Variants in LRP1 observed in about 807,000 individuals in gnomAD.
LRP1 encodes the protein LDL receptor related protein 1, also known as prolow-density lipoprotein receptor-related protein 1.
A neutral mutation model predicts 541.5 loss-of-function variants in LRP1; 51 were observed. That is an observed-to-expected ratio of 0.09 (90% confidence interval 0.08 to 0.12). LRP1 has a LOEUF of 0.12. Ranked by LOEUF, LRP1 falls within the 10% of genes least tolerant of loss-of-function variation. The probability of loss-of-function intolerance (pLI) is 1.00; values close to 1 mark genes in which losing one functional copy is unlikely to be tolerated. For missense variants in LRP1, 3,878 were observed against 6,376.2 expected, an observed-to-expected ratio of 0.61 and a Z score of 13.34; for synonymous variants, 2,219 against 2,470.8, an observed-to-expected ratio of 0.90 and a Z score of 3.02.
chr12:57,200,260 C>T (rs993768665), intron 62 of LRP1, 182 bp from the exon 63 acceptor site: 13 of 645,354 alleles, frequency 2.0e-5, no homozygotes, highest in Non-Finnish European at 2.8e-5. Context: ...TTCAGTGCTG[C>T]CTTCCCCACC....
chr12:57,211,365 C>T lies in LRP1; in HGVS notation c.13091+15C>T, dbSNP rs145613098. ...GTCACCTGCAAGTGAGTGGGGCCCT[C>T]CTCCACAGTTCCACCCAGCTGGGCC... On this transcript the variant is annotated intron_variant, in intron 84 of 88. Coordinates refer to ENST00000243077, the MANE Select transcript of LRP1 (RefSeq NM_002332.3). This position sits in a 1 kb window ranked among gnomAD's most constrained non-coding sequence, Gnocchi z 4.3. 291 of 1,613,204 alleles carry T rather than the reference C, an allele frequency of 1.8e-4. No homozygotes were observed. The highest frequency in any genetic ancestry group is 2.3e-4 in the Non-Finnish European group (267 of 1,179,774).
chr12:57,168,412 G>A (rs1216002453), intron 19 of LRP1, among the ~76,000 whole-genome samples: 1 of 152,170 alleles, frequency 6.6e-6, no homozygotes, highest in Non-Finnish European at 1.5e-5. Flanking sequence ...AGCAGAGACG[G>A]CAGAGGGAGC....
Position 57,198,221 on chromosome 12 carries a change from G to A in LRP1, c.9348G>A (p.Leu3116=). The A allele has an allele frequency of 6.2e-7, 1 of 1,613,540 alleles. No homozygotes were observed. The highest frequency in any genetic ancestry group is 1.1e-5 in the South Asian group (1 of 91,016). ...GLAVDWVGGN[L]YWCDKGRDTI... ...CTGTGGACTGGGTGGGTGGCAACCT[G>A]TACTGGTGCGACAAAGGCCGGGACA... Residue 3116 remains leucine, a synonymous_variant, in exon 59 of 89, where the codon CTG becomes CTA. Coordinates refer to ENST00000243077, the MANE Select transcript of LRP1 (RefSeq NM_002332.3).
chr12:57,199,435 G>A (rs367962230), intron 61 of LRP1, 35 bp downstream of exon 61: 30 of 1,593,572 alleles, frequency 1.9e-5, no homozygotes, highest in Non-Finnish European at 2.6e-5. Flanking sequence ...GGCGAACGGT[G>A]AGCCAGGCAC....
At chr12:57,148,858 T>G in intron 6 of LRP1, 1 of 480,652 alleles carries the variant, frequency 2.1e-6, no homozygotes, top group Non-Finnish European at 3.7e-6. Flanking sequence ...AGGAGGTGGC[T>G]GGGGAGCTCA....
chr12:57,207,427 A>G (rs2136751937), intron 76 of LRP1, among the ~76,000 whole-genome samples: 1 of 151,938 alleles, frequency 6.6e-6, no homozygotes, highest in Admixed American at 6.6e-5. Context: ...TTGAACCCAG[A>G]AGGTGGAAGT....
Position 57,156,069 on chromosome 12 carries a change from G to C in LRP1, c.1228-25G>C. On this transcript the variant is annotated intron_variant, in intron 8 of 88. Coordinates refer to ENST00000243077, the MANE Select transcript of LRP1 (RefSeq NM_002332.3). This position sits in a 1 kb window ranked among gnomAD's most constrained non-coding sequence, Gnocchi z 5.2. ...GGAGGAACCCCTGTCATCTCATGCT[G>C]TCCATTCTTGCCTGCCCGTCTCAGA... The C allele has an allele frequency of 6.2e-7, 1 of 1,604,970 alleles. No individual in the cohort carries two copies. Among genetic ancestry groups the C allele is most frequent in the Non-Finnish European group, 8.5e-7 (1 of 1,174,034 alleles).
rs77858174 is a variant in LRP1 at position 57,154,117 on chromosome 12, G to A, written c.842-91G>A. ...GTGGGAGGGCGTCCAGAGAAGGTGG[G>A]CTTCCAGGTGTGGGTTCTCACCAGC... is the stretch of plus-strand genomic sequence containing the variant. On this transcript the variant is annotated intron_variant, in intron 6 of 88. Transcript: ENST00000243077. The surrounding 1 kb of genome is among the most constrained non-coding windows in gnomAD (Gnocchi z 4.6). 6.0e-5 allele frequency: 75 copies of A among 1,251,702 alleles called. 1 individual carries two copies. The East Asian group carries it at 1.7e-3, about 29-fold the overall frequency. The allele number at this position is 1,251,702 out of a possible 1,614,324, so 77.5% of individuals were successfully genotyped here. A position where few individuals can be genotyped will look rare whatever the true frequency, so the allele number is the denominator to read the frequency against.
Position 57,203,304 on chromosome 12 carries a change from G to A in LRP1, c.10818+17G>A. 3 of 1,596,980 alleles carry A rather than the reference G, an allele frequency of 1.9e-6. No homozygotes were observed. The highest frequency in any genetic ancestry group is 2.6e-6 in the Non-Finnish European group (3 of 1,167,674). On this transcript the variant is annotated intron_variant, in intron 69 of 88. Transcript: ENST00000243077. Reference sequence around the variant, plus strand: ...TCGGACGAGGTGGGCAGGGAGATGAGAAGGAAGCAGATGGCCTCAGAGGAG... The same window carrying A: ...TCGGACGAGGTGGGCAGGGAGATGAAAAGGAAGCAGATGGCCTCAGAGGAG...
intron 70 of LRP1, chr12:57,203,846 G>C (rs2036709834): frequency 9.5e-6 from 3 of 315,956 alleles, no homozygotes; most frequent in Non-Finnish European, 1.7e-5. Context: ...GAGACAGTCT[G>C]CTGCCACAAG....
intron 1 of LRP1, among the ~76,000 whole-genome samples, chr12:57,135,873 C>G (rs1292277389): frequency 3.9e-5 from 6 of 151,904 alleles, no homozygotes; most frequent in African/African-American, 1.2e-4. Flanking sequence ...AAGGAGGGGG[C>G]ACCATGGCTG....
At position 57,183,667 on chromosome 12, in the gene LRP1, T is replaced by C. The variant is rs573982184; in HGVS notation, c.5795-108T>C. On this transcript the variant is annotated intron_variant, in intron 35 of 88. Coordinates refer to ENST00000243077, the MANE Select transcript of LRP1 (RefSeq NM_002332.3). The surrounding 1 kb of genome is among the most constrained non-coding windows in gnomAD (Gnocchi z 6.1). ...TGACTCCACCTCCCCTTCAAGCACCTGGCCCCTCCGGCACTCTCTCACCTC... is the reference window on the plus strand; with the variant it reads ...TGACTCCACCTCCCCTTCAAGCACCCGGCCCCTCCGGCACTCTCTCACCTC... 5.1e-3 allele frequency: 7,762 copies of C among 1,519,556 alleles called. 31 individuals carry two copies. Among genetic ancestry groups the C allele is most frequent in the Non-Finnish European group, 6.3e-3 (7,044 of 1,120,210 alleles). The allele number at this position is 1,519,556 out of a possible 1,614,324, so 94.1% of individuals were successfully genotyped here. A position where few individuals can be genotyped will look rare whatever the true frequency, so the allele number is the denominator to read the frequency against.
At chr12:57,202,177 C>T (rs2036670768) in intron 67 of LRP1, among the ~76,000 whole-genome samples, 1 of 152,092 alleles carries the variant, frequency 6.6e-6, no homozygotes, top group African/African-American at 2.4e-5. Context: ...CCCTGCCCAC[C>T]CTATGGGATC....
At position 57,179,188 on chromosome 12, in the gene LRP1, G is replaced by T; in HGVS notation, c.4739-141G>T. 8.5e-7 allele frequency: 1 copy of T among 1,183,036 alleles called. No homozygotes were observed. The highest frequency in any genetic ancestry group is 1.2e-6 in the Non-Finnish European group (1 of 837,558). The allele number at this position is 1,183,036 out of a possible 1,614,324, so 73.3% of individuals were successfully genotyped here. Reference sequence around the variant, plus strand: ...GAAGGGGCTGCAGGTCTGCCAGGGGGGCTGCACCCAGCGGGGTATGTCCAC... The same window carrying T: ...GAAGGGGCTGCAGGTCTGCCAGGGGTGCTGCACCCAGCGGGGTATGTCCAC... On this transcript the variant is annotated intron_variant, in intron 28 of 88. Transcript: ENST00000243077. This position sits in a 1 kb window ranked among gnomAD's most constrained non-coding sequence, Gnocchi z 6.8.
Position 57,193,610 on chromosome 12 carries a change from C to T in LRP1, c.7729C>T (p.Arg2577Cys). The T allele has an allele frequency of 1.2e-6, 2 of 1,614,158 alleles. No homozygotes were observed. The highest frequency in any genetic ancestry group is 2.2e-5 in the East Asian group (1 of 44,884). Residue 2577 changes from arginine (R) to cysteine (C), a missense_variant, in exon 47 of 89, where the codon CGC (arginine) becomes TGC (cysteine). Coordinates refer to ENST00000243077, the MANE Select transcript of LRP1 (RefSeq NM_002332.3). ...GACTTTCCGGCAGTGCAGCAATGGGCGCTGTGTGTCCAACATGCTGTGGTG... is the reference window on the plus strand; with the variant it reads ...GACTTTCCGGCAGTGCAGCAATGGGTGCTGTGTGTCCAACATGCTGTGGTG... Reference protein sequence around the residue: ...KKTFRQCSNGRCVSNMLWCNG... With the variant: ...KKTFRQCSNGCCVSNMLWCNG...
chr12:57,143,151 C>T (rs1236775412), intron 3 of LRP1, among the ~76,000 whole-genome samples: 1 of 152,174 alleles, frequency 6.6e-6, no homozygotes, highest in African/African-American at 2.4e-5. Context: ...TTTTGCTCCT[C>T]CTTCCTGTCC....
intron 6 of LRP1, chr12:57,148,963 A>G (rs1384043741): frequency 1.7e-6 from 1 of 603,782 alleles, no homozygotes. Context: ...CCTTTCTTTT[A>G]TTTATTTATT....
chr12:57,161,260 T>A (rs1482971017), intron 13 of LRP1, 145 bp downstream of exon 13: 1 of 715,560 alleles, frequency 1.4e-6, no homozygotes, highest in Non-Finnish European at 2.3e-6. Context: ...TATTTTTCTG[T>A]GCATCTATAG....
At position 57,206,423 on chromosome 12, in the gene LRP1, G is replaced by T. The variant is rs1219452525; in HGVS notation, c.11591-50G>T. 1 of 1,589,282 alleles carries T rather than the reference G, an allele frequency of 6.3e-7. No homozygotes were observed. Among genetic ancestry groups the T allele is most frequent in the Non-Finnish European group, 8.6e-7 (1 of 1,162,664 alleles). On this transcript the variant is annotated intron_variant, in intron 75 of 88. Transcript: ENST00000243077. The surrounding 1 kb of genome is among the most constrained non-coding windows in gnomAD (Gnocchi z 4.7). ...ATGTGAAAGGAGCTGAGCTGGGTGG[G>T]GTGCACACCTGCATCCCACAGCCCC...
Sources: gnomAD v4.1 joint callset for allele counts (sites outside exome capture counted in the v4.1 genomes callset) on GRCh38, gnomAD v4.1.1 for gene constraint, Gnocchi (gnomAD v3.1) non-coding constraint, MANE v1.5 for transcripts, NCBI Gene and HGNC (gene_info 2026-07-23, HGNC 2026-07-21) for gene names.